Variants in FAM227B observed in about 807,000 individuals in gnomAD.
FAM227B encodes protein FAM227B.
In FAM227B, 88 loss-of-function variants were observed where a neutral mutation model predicts 73.8. The ratio of observed to expected loss-of-function variants is 1.19; its 90% CI spans 1.00 to 1.42. The LOEUF (loss-of-function observed/expected upper bound fraction) is 1.42, where lower values mean the gene tolerates loss of function less well. FAM227B is among the 40% of genes most tolerant of loss of function. FAM227B has a pLI of 0.00. For synonymous variants in FAM227B, 210 were observed against 190.5 expected (o/e 1.10, Z -0.84); for missense variants, 632 against 590.9 (o/e 1.07, Z -0.72).
chr15:49,352,460 A>G (rs771928948), intron 13 of FAM227B, among the ~76,000 whole-genome samples: 1 of 152,186 alleles, frequency 6.6e-6, no homozygotes, highest in Non-Finnish European at 1.5e-5. Context: ...GCAGCTGAGG[A>G]AATCCTTGTA....
rs368824875 is a variant in FAM227B, at chr15:49,419,451, C to T, written c.1013-48052G>A. Among the ~76,000 whole-genome samples, 9 of 152,174 alleles carry T rather than the reference C, an allele frequency of 5.9e-5. No homozygotes were observed. In the East Asian group the frequency reaches 1.7e-3, roughly 29 times the overall value. On this transcript the variant is annotated intron_variant, in intron 11 of 15. Coordinates refer to ENST00000299338, the MANE Select transcript of FAM227B (RefSeq NM_152647.3). ...CTTTTTTCCCTCAACCTTTCCTTTCCAATATCTTTTTGAAAATATGAAGAA... is the reference window on the plus strand; with the variant it reads ...CTTTTTTCCCTCAACCTTTCCTTTCTAATATCTTTTTGAAAATATGAAGAA...
chr15:49,419,462 T>G, intron 11 of FAM227B, among the ~76,000 whole-genome samples: 1 of 152,172 alleles, frequency 6.6e-6, no homozygotes, highest in East Asian at 1.9e-4. Flanking sequence ...AATATCTTTT[T>G]GAAAATATGA....
intron 11 of FAM227B, among the ~76,000 whole-genome samples, chr15:49,396,691 T>G (rs1456151972): frequency 3.3e-5 from 5 of 151,226 alleles, no homozygotes; most frequent in Non-Finnish European, 7.4e-5. Context: ...CCCTGACCCC[T>G]GACCCCCGAG....
chr15:49,338,511 G>T lies in FAM227B; in HGVS notation c.1272-3015C>A, dbSNP rs145491678. Reference sequence around the variant, plus strand: ...GAGAGATCCGCTGTTAGTCTGGTGGGCTTCCCTTTGTGGGTAACCCAACCT... The same window carrying T: ...GAGAGATCCGCTGTTAGTCTGGTGGTCTTCCCTTTGTGGGTAACCCAACCT... On this transcript the variant is annotated intron_variant, in intron 13 of 15. Coordinates refer to ENST00000299338, the MANE Select transcript of FAM227B (RefSeq NM_152647.3). 8.0e-3 allele frequency among the ~76,000 whole-genome samples: 1,213 copies of T among 152,310 alleles called. 31 individuals are homozygous for T. The highest frequency in any genetic ancestry group is 0.028 in the African/African-American group (1,160 of 41,568).
intron 7 of FAM227B, chr15:49,576,531 C>A (rs1220954964): frequency 2.3e-6 from 1 of 444,324 alleles, no homozygotes; most frequent in East Asian, 4.1e-5. Context: ...CGCTAGCAAC[C>A]TCAGGGTCCC....
At chr15:49,488,005 C>T (rs1322664428) in intron 11 of FAM227B, 3 of 151,932 alleles carry the variant, frequency 2.0e-5, no homozygotes, top group Non-Finnish European at 4.4e-5. Context: ...AAAACCAGAA[C>T]TCAAATTCAC....
At chr15:49,451,441 A>G (rs986476049) in intron 11 of FAM227B, among the ~76,000 whole-genome samples, 1 of 152,132 alleles carries the variant, frequency 6.6e-6, no homozygotes, top group Non-Finnish European at 1.5e-5. Context: ...CATTGCTGAC[A>G]GACATATATG....
intron 11 of FAM227B, among the ~76,000 whole-genome samples, chr15:49,372,245 TATAA>T (rs1241117169): frequency 6.6e-6 from 1 of 151,450 alleles, no homozygotes; most frequent in Admixed American, 6.6e-5. Flanking sequence ...AAAATTCACT[TATAA>T]ATAAATGAAA....
intron 11 of FAM227B, chr15:49,425,032 T>G (rs1459592506): frequency 6.5e-6 from 1 of 153,324 alleles, no homozygotes; most frequent in African/African-American, 2.4e-5. Context: ...TTTCATGATG[T>G]AAATTAAAAT....
chr15:49,352,993 C>G (rs753082794), intron 13 of FAM227B, among the ~76,000 whole-genome samples: 1 of 152,176 alleles, frequency 6.6e-6, no homozygotes, highest in Non-Finnish European at 1.5e-5. Context: ...TTTTAGGGGA[C>G]TATGCACAGA....
intron 13 of FAM227B, among the ~76,000 whole-genome samples, chr15:49,342,761 A>G (rs2040930019): frequency 6.6e-6 from 1 of 152,060 alleles, no homozygotes; most frequent in Non-Finnish European, 1.5e-5. Context: ...TGTCTGGAAG[A>G]TTTTATTTCT....
At position 49,359,485 on chromosome 15, in the gene FAM227B, A is replaced by C. The variant is rs1216714477; in HGVS notation, c.1271+7963T>G. Among the ~76,000 whole-genome samples, 2 of 119,574 alleles carry C rather than the reference A, an allele frequency of 1.7e-5. 1 individual carries two copies. The allele number at this position is 119,574 out of a possible 152,430, so 78.4% of individuals were successfully genotyped here. Reference sequence around the variant, plus strand: ...TTTATGCAGCCAAAAAACACATGAAAAAATGCTCATCATCACTGGCCGTCA... The same window carrying C: ...TTTATGCAGCCAAAAAACACATGAACAAATGCTCATCATCACTGGCCGTCA... On this transcript the variant is annotated intron_variant, in intron 13 of 15. Transcript: ENST00000299338.
At chr15:49,576,093 G>C (rs2075423476) in intron 7 of FAM227B, 3 of 152,114 alleles carry the variant, frequency 2.0e-5, no homozygotes, top group Admixed American at 2.0e-4. Context: ...CTTTTTCATA[G>C]GCCACTAAGT....
At chr15:49,388,513 AC>A (rs2047015806) in intron 11 of FAM227B, among the ~76,000 whole-genome samples, 1 of 152,040 alleles carries the variant, frequency 6.6e-6, no homozygotes, top group Admixed American at 6.6e-5. Flanking sequence ...CAAATATAGG[AC>A]CTGAAACTAT....
At chr15:49,424,395 A>T in intron 11 of FAM227B, 1 of 1,613,708 alleles carries the variant, frequency 6.2e-7, no homozygotes. Context: ...TTAGCTTGCA[A>T]TGACATGACT....
chr15:49,377,014 A>C (rs550265605), intron 11 of FAM227B, among the ~76,000 whole-genome samples: 1 of 152,000 alleles, frequency 6.6e-6, no homozygotes, highest in East Asian at 1.9e-4. Flanking sequence ...AATCATCCCA[A>C]CTTCTTCCCC....
rs370899939 is a variant in FAM227B at position 49,474,964 on chromosome 15, T to C, written c.1012+33247A>G. Among the ~76,000 whole-genome samples the C allele has an allele frequency of 8.6e-5, 13 of 151,212 alleles. No individual in the cohort carries two copies. In the East Asian group the frequency reaches 1.8e-3, roughly 20 times the overall value. ...GAATTAATTCCAGATGAATTTAAGA[T>C]AATTTGAATTTATATTTAAAATTCA... is the stretch of plus-strand genomic sequence containing the variant. On this transcript the variant is annotated intron_variant, in intron 11 of 15. Transcript: ENST00000299338.
rs1052622142 is a variant in FAM227B at position 49,328,478 on chromosome 15, T to C, written c.*90A>G. The C allele has an allele frequency of 6.5e-6, 10 of 1,545,770 alleles. No individual in the cohort carries two copies. In the African/African-American group the frequency reaches 1.2e-4, roughly 19 times the overall value. On this transcript the variant is annotated 3_prime_UTR_variant, in exon 16 of 16. Transcript: ENST00000299338. ...ACACTCTTAATACTGATTACATGGATTGGACTTGAATTAAATATATTGTTA... is the reference window on the plus strand; with the variant it reads ...ACACTCTTAATACTGATTACATGGACTGGACTTGAATTAAATATATTGTTA...
intron 10 of FAM227B, among the ~76,000 whole-genome samples, chr15:49,523,968 T>C (rs1274179642): frequency 1.3e-5 from 2 of 151,266 alleles, no homozygotes; most frequent in East Asian, 3.9e-4. Context: ...ATTCAAGATG[T>C]GACTTGGATG....
Sources: allele counts gnomAD v4.1 joint callset (sites outside exome capture counted in the v4.1 genomes callset), GRCh38; gene constraint gnomAD v4.1.1; transcripts MANE v1.5; gene names NCBI Gene and HGNC (gene_info 2026-07-23, HGNC 2026-07-21).